The following NUP188 variants were observed in gnomAD, a reference collection of about 807,000 sequenced individuals.
NUP188 encodes nucleoporin 188, also known as nucleoporin NUP188.
Under a neutral mutation model 223.0 loss-of-function variants are expected in NUP188, and 97 were observed. The ratio of observed to expected loss-of-function variants is 0.43; its 90% CI spans 0.37 to 0.51. NUP188 has a LOEUF of 0.51. Among genes scored for constraint, NUP188 ranks in the 20% least tolerant of loss-of-function variants. The probability of loss-of-function intolerance (pLI) is 0.00; values close to 1 mark genes in which losing one functional copy is unlikely to be tolerated. For synonymous variants in NUP188, 869 were observed against 828.0 expected, an observed-to-expected ratio of 1.05 and a Z score of -0.85; for missense variants, 1,947 against 2,175.6, an observed-to-expected ratio of 0.89 and a Z score of 2.09.
At chr9:128,999,364 C>G in intron 33 of NUP188, 47 bp downstream of exon 33, 3 of 1,599,918 alleles carry the variant, frequency 1.9e-6, no homozygotes, top group Non-Finnish European at 2.6e-6. Flanking sequence ...CTGCCCACTC[C>G]TGCTGACAGC....
rs761669134 is a variant in NUP188 at position 128,970,781 on chromosome 9, C to T, written c.936C>T (p.Thr312=). The T allele has an allele frequency of 6.2e-7, 1 of 1,614,082 alleles. No homozygotes were observed. Reference sequence around the variant, plus strand: ...AGGATATGGACTGTTTAATGTTGACCTTTGGGGACATTCCACATCATGCCC... The same window carrying T: ...AGGATATGGACTGTTTAATGTTGACTTTTGGGGACATTCCACATCATGCCC... The part of the protein sequence containing the change: ...ICQDMDCLML[T]FGDIPHHAPV... Residue 312 remains threonine (T), a synonymous_variant, in exon 11 of 44, where the codon ACC becomes ACT. Transcript: ENST00000372577.
chr9:128,960,882 C>T (rs542351289), intron 8 of NUP188, among the ~76,000 whole-genome samples: 2 of 151,962 alleles, frequency 1.3e-5, no homozygotes, highest in Non-Finnish European at 2.9e-5. Flanking sequence ...GTCAGGAGTT[C>T]AAAACCAGCC....
intron 8 of NUP188, among the ~76,000 whole-genome samples, chr9:128,966,254 C>T (rs1049505006): frequency 6.7e-5 from 8 of 118,648 alleles, no homozygotes; most frequent in Non-Finnish European, 1.3e-4. Context: ...CTGTCTGTCT[C>T]TGTGTCTGTG....
In NUP188 at chr9:128,993,383, G is replaced by T. The variant is rs745753933; in HGVS notation, c.2827G>T (p.Asp943Tyr). 6.2e-7 allele frequency: 1 copy of T among 1,614,072 alleles called. No homozygotes were observed. The highest frequency in any genetic ancestry group is 1.3e-5 in the African/African-American group (1 of 74,920). ...ACTGTTTCTGAACCTGGAAGTTAAG[G>T]ATGGCAGTGATGGCTCAAAGGTAAG... is the stretch of plus-strand genomic sequence containing the variant. ...IELFLNLEVK[D>Y]GSDGSKEFSL... The change falls in exon 26 of 44, where the codon GAT becomes TAT. Residue 943 changes from aspartate (D) to tyrosine (Y), a missense_variant. Transcript: ENST00000372577.
intron 3 of NUP188, among the ~76,000 whole-genome samples, chr9:128,954,886 T>C (rs905839595): frequency 1.3e-5 from 2 of 151,488 alleles, no homozygotes; most frequent in African/African-American, 2.4e-5. Context: ...GGAGTTTCGC[T>C]CTTGTTGCCC....
chr9:128,969,823 TG>T (rs1321799732), intron 10 of NUP188, among the ~76,000 whole-genome samples: 5 of 151,938 alleles, frequency 3.3e-5, no homozygotes, highest in Non-Finnish European at 7.4e-5. Context: ...TAGTAGAGAC[TG>T]GGTTTCACCA....
chr9:129,001,568 G>A lies in NUP188; in HGVS notation c.3883G>A (p.Glu1295Lys), dbSNP rs1430349980. 1 of 1,614,016 alleles carries A rather than the reference G, an allele frequency of 6.2e-7. No homozygotes were observed. The highest frequency in any genetic ancestry group is 1.7e-5 in the Admixed American group (1 of 60,022). ...CCTGCACCTGGCCAAGGAGCTGTGT[G>A]AGGTAGACGAGGATGGTGACTCCTG... ...LGLHLAKELC[E>K]VDEDGDSWLQ... Residue 1295 changes from glutamate to lysine, a missense_variant, in exon 35 of 44, where the codon GAG becomes AAG. Around this residue, in one of 3 missense-constraint regions of NUP188, gnomAD observed 905 missense variants for 990.6 expected, o/e 0.91. Coordinates refer to ENST00000372577, the MANE Select transcript of NUP188 (RefSeq NM_015354.3).
chr9:128,999,519 T>C, intron 33 of NUP188, 105 bp from the exon 34 acceptor site: 1 of 1,263,236 alleles, frequency 7.9e-7, no homozygotes, highest in Non-Finnish European at 1.1e-6. Context: ...CTGTCCCTCC[T>C]AGCGCCCTAG....
At chr9:128,964,891 A>G (rs1039988007) in intron 8 of NUP188, among the ~76,000 whole-genome samples, 3 of 151,768 alleles carry the variant, frequency 2.0e-5, no homozygotes, top group African/African-American at 7.3e-5. Flanking sequence ...TATTTTTAGT[A>G]GAGATGGGGT....
chr9:128,998,461 A>C, intron 31 of NUP188, 77 bp from the exon 32 acceptor site: 1 of 1,304,018 alleles, frequency 7.7e-7, no homozygotes, highest in Non-Finnish European at 1.1e-6. Context: ...GAAGAAAGGC[A>C]ATGAGGCCGG....
intron 3 of NUP188, among the ~76,000 whole-genome samples, chr9:128,955,698 T>C (rs1374711496): frequency 1.3e-5 from 2 of 152,164 alleles, no homozygotes; most frequent in African/African-American, 2.4e-5. Context: ...CTTAAGCCCT[T>C]TTGTACTTCT....
At chr9:128,949,337 A>C in intron 2 of NUP188, 94 bp downstream of exon 2, 1 of 830,482 alleles carries the variant, frequency 1.2e-6, no homozygotes, top group Non-Finnish European at 2.0e-6. Flanking sequence ...AAGTAAACAC[A>C]TTTATTTATT....
At chr9:128,984,124 ATTTT>A (rs1193631566) in intron 19 of NUP188, among the ~76,000 whole-genome samples, 2 of 93,060 alleles carry the variant, frequency 2.1e-5, no homozygotes, top group African/African-American at 5.9e-5. Flanking sequence ...GCCTGGCCTG[ATTTT>A]TTTTTTTTTT....
chr9:128,947,830 G>T, intron 1 of NUP188, 79 bp downstream of exon 1: 3 of 1,286,462 alleles, frequency 2.3e-6, no homozygotes, highest in Non-Finnish European at 3.0e-6. Context: ...GGGAATTGGA[G>T]GCGGGATGTG....
In NUP188 at chr9:128,994,958, GGTTGGGGGAGTGGGA is replaced by G. The variant is rs1430123378; in HGVS notation, c.3155+41_3155+55del. On this transcript the variant is annotated intron_variant, in intron 29 of 43. Coordinates refer to ENST00000372577, the MANE Select transcript of NUP188 (RefSeq NM_015354.3). Reference sequence around the variant, plus strand: ...TTCCCCTCTTGAGATTTTAACTGAAGGTTGGGGGAGTGGGAGTTGGTGGCCTACCACTGGGTGCAT... The same window carrying G: ...TTCCCCTCTTGAGATTTTAACTGAAGGTTGGTGGCCTACCACTGGGTGCAT... 5 of 1,514,748 alleles carry G rather than the reference GGTTGGGGGAGTGGGA, an allele frequency of 3.3e-6. No individual in the cohort carries two copies. In the African/African-American group the frequency reaches 4.1e-5, roughly 12 times the overall value. 93.8% of individuals were successfully genotyped at this position (1,514,748 alleles called of 1,614,324 possible).
At chr9:128,986,443 C>T in intron 20 of NUP188, 115 bp from the exon 21 acceptor site, 1 of 1,088,020 alleles carries the variant, frequency 9.2e-7, no homozygotes. Context: ...CATTGATGAC[C>T]AAGGTTTGCC....
intron 12 of NUP188, among the ~76,000 whole-genome samples, chr9:128,974,874 T>C (rs531853179): frequency 6.6e-6 from 1 of 151,918 alleles, no homozygotes; most frequent in South Asian, 2.1e-4. Flanking sequence ...TCCATTCACC[T>C]TAACCTCCTG....
intron 2 of NUP188, 103 bp downstream of exon 2, chr9:128,949,346 T>C: frequency 3.8e-6 from 3 of 799,056 alleles, no homozygotes; most frequent in Non-Finnish European, 6.3e-6. Flanking sequence ...CATTTATTTA[T>C]TTAGAGACAG....
chr9:128,947,761 G>A lies in NUP188; in HGVS notation c.32+10G>A, dbSNP rs1489297853. ...GCGGGCCGTGTGTGAGGTGCGGAGC[G>A]GGTCGAATGGACCGGGGTGGCTGTG... On this transcript the variant is annotated intron_variant, in intron 1 of 43. Transcript: ENST00000372577. 6.9e-7 allele frequency: 1 copy of A among 1,442,692 alleles called. No homozygotes were observed. The highest frequency in any genetic ancestry group is 9.1e-7 in the Non-Finnish European group (1 of 1,099,888). 89.4% of individuals were successfully genotyped at this position (1,442,692 alleles called of 1,614,324 possible). A position where few individuals can be genotyped will look rare whatever the true frequency, so the allele number is the denominator to read the frequency against.
Sources: gnomAD v4.1 joint callset for allele counts (sites outside exome capture counted in the v4.1 genomes callset) on GRCh38, gnomAD v4.1.1 for gene constraint, gnomAD v4.1.1 regional missense constraint, MANE v1.5 for transcripts, NCBI Gene and HGNC (gene_info 2026-07-23, HGNC 2026-07-21) for gene names.